The following MLIP variants were observed in gnomAD, a reference collection of about 807,000 sequenced individuals.
MLIP encodes muscular LMNA-interacting protein.
MLIP carries 79 observed loss-of-function variants against 84.8 expected under a neutral mutation model. The ratio of observed to expected loss-of-function variants is 0.93; its 90% CI spans 0.78 to 1.12. MLIP has a LOEUF of 1.12. Among genes scored for constraint, MLIP ranks in the 50% most tolerant of loss-of-function variants. The probability of loss-of-function intolerance (pLI) is 0.00; values close to 1 mark genes in which losing one functional copy is unlikely to be tolerated. For synonymous variants in MLIP, 504 were observed against 463.0 expected (o/e 1.09, Z -1.14); for missense variants, 1,257 against 1,160.6 (o/e 1.08, Z -1.21).
At chr6:54,206,227 A>G (rs1271404015) in intron 11 of MLIP, among the ~76,000 whole-genome samples, 1 of 152,126 alleles carries the variant, frequency 6.6e-6, no homozygotes, top group African/African-American at 2.4e-5. Context: ...TTTAATATAA[A>G]AGGGCAATAA....
intron 9 of MLIP, among the ~76,000 whole-genome samples, chr6:54,184,291 A>C (rs917072955): frequency 2.0e-5 from 3 of 152,228 alleles, no homozygotes; most frequent in Non-Finnish European, 4.4e-5. Flanking sequence ...TGGAAGGGAC[A>C]TGACTACTGA....
chr6:54,050,612 C>T (rs1765320690), intron 1 of MLIP, among the ~76,000 whole-genome samples: 1 of 151,996 alleles, frequency 6.6e-6, no homozygotes, highest in African/African-American at 2.4e-5. Context: ...TTCCATTTTT[C>T]CTAATATAAT....
chr6:54,157,075 AAAGAACTG>A (rs1269024552), intron 5 of MLIP, among the ~76,000 whole-genome samples: 2 of 152,104 alleles, frequency 1.3e-5, no homozygotes, highest in Non-Finnish European at 2.9e-5. Context: ...CCAAAAGTTC[AAAGAACTG>A]AAGCAGTTCT....
At chr6:54,222,619 C>T (rs959520525) in intron 11 of MLIP, among the ~76,000 whole-genome samples, 2 of 152,202 alleles carry the variant, frequency 1.3e-5, no homozygotes, top group Non-Finnish European at 2.9e-5. Flanking sequence ...CCTTTATCCA[C>T]TTACCTGTCA....
intron 9 of MLIP, among the ~76,000 whole-genome samples, chr6:54,184,213 G>A (rs1485923387): frequency 1.3e-5 from 2 of 152,114 alleles, no homozygotes; most frequent in Non-Finnish European, 2.9e-5. Context: ...ATTCAGGACA[G>A]TTAGAGTCAA....
chr6:54,148,646 G>T (rs1424105376), intron 4 of MLIP, among the ~76,000 whole-genome samples: 1 of 152,028 alleles, frequency 6.6e-6, no homozygotes, highest in Non-Finnish European at 1.5e-5. Context: ...ACACTTATTG[G>T]CATAATATTT....
chr6:54,249,903 A>T (rs776952531), intron 12 of MLIP, among the ~76,000 whole-genome samples: 1 of 152,028 alleles, frequency 6.6e-6, no homozygotes, highest in Non-Finnish European at 1.5e-5. Flanking sequence ...GCCAGGTATT[A>T]AGCCTAGTAT....
intron 12 of MLIP, among the ~76,000 whole-genome samples, chr6:54,231,379 A>T: frequency 6.6e-6 from 1 of 152,192 alleles, no homozygotes; most frequent in Non-Finnish European, 1.5e-5. Context: ...TTCACATTTT[A>T]CTTTAAAATG....
intron 13 of MLIP, among the ~76,000 whole-genome samples, chr6:54,264,570 A>G (rs1028554308): frequency 1.3e-5 from 2 of 152,132 alleles, no homozygotes; most frequent in African/African-American, 4.8e-5. Context: ...AGCATATAAA[A>G]TACATGGCAC....
intron 13 of MLIP, among the ~76,000 whole-genome samples, chr6:54,264,264 T>C (rs1296865738): frequency 1.3e-5 from 2 of 152,194 alleles, no homozygotes; most frequent in Admixed American, 6.6e-5. Flanking sequence ...TTTTATTTAA[T>C]GTTATAATCC....
intron 1 of MLIP, among the ~76,000 whole-genome samples, chr6:54,025,834 T>C (rs1318619071): frequency 6.6e-6 from 1 of 152,178 alleles, no homozygotes; most frequent in Non-Finnish European, 1.5e-5. Context: ...GCAGCTGCCC[T>C]CCCTAAGGTA....
At chr6:54,212,792 A>G (rs1539440) in intron 11 of MLIP, among the ~76,000 whole-genome samples, 3,197 of 152,332 alleles carry the variant, frequency 0.021, 51 homozygotes, top group Non-Finnish European at 0.029. Flanking sequence ...AAAATTAAAT[A>G]TGTCTGTGTA....
chr6:54,160,275 A>G, intron 5 of MLIP, 92 bp from the exon 6 acceptor site: 1 of 953,678 alleles, frequency 1.0e-6, no homozygotes, highest in Non-Finnish European at 1.6e-6. Context: ...TTCTTGGAAT[A>G]TTAATACATA....
Position 54,066,156 on chromosome 6 carries a change from T to TA in MLIP, c.63+47072dup, listed in dbSNP as rs1229885071. ...ACTGCTGTTATAAATGTCTGTTCAT[T>TA]AAAAAAATCTCAAATTATTTACTTA... On this transcript the variant is annotated intron_variant, in intron 1 of 12. Coordinates refer to the MLIP transcript ENST00000274897. 1.3e-4 allele frequency among the ~76,000 whole-genome samples: 13 copies of TA among 99,418 alleles called. 6 individuals are homozygous for TA. Among genetic ancestry groups the TA allele is most frequent in the Non-Finnish European group, 1.2e-4 (4 of 34,716 alleles). The allele number at this position is 99,418 out of a possible 152,430, so 65.2% of individuals were successfully genotyped here. A position where few individuals can be genotyped will look rare whatever the true frequency, so the allele number is the denominator to read the frequency against.
chr6:54,031,841 C>T (rs1419794903), intron 1 of MLIP: 1 of 152,188 alleles, frequency 6.6e-6, no homozygotes, highest in African/African-American at 2.4e-5. Context: ...TCCATGAAAT[C>T]TTTGTGTGAT....
chr6:54,089,980 C>A (rs1305993725), intron 1 of MLIP, among the ~76,000 whole-genome samples: 1 of 152,124 alleles, frequency 6.6e-6, no homozygotes, highest in Non-Finnish European at 1.5e-5. Context: ...TCTTTTCTGA[C>A]AATACCTCTC....
chr6:54,252,121 T>TTATAACATATAATATATAACTATAA (rs1562109880), intron 12 of MLIP, among the ~76,000 whole-genome samples: 12 of 97,840 alleles, frequency 1.2e-4, no homozygotes, highest in Admixed American at 4.8e-4. Flanking sequence ...TATAACTATA[T>TTATAACATATAATATATAACTATAA]TATAACATAT....
At position 54,160,594 on chromosome 6, in the gene MLIP, T is replaced by C; in HGVS notation, c.2434T>C (p.Ser812Pro). The C allele has an allele frequency of 6.2e-7, 1 of 1,609,414 alleles. No individual in the cohort carries two copies. The highest frequency in any genetic ancestry group is 1.7e-4 in the Middle Eastern group (1 of 6,034). ...TGATAAGGTCTTACAGGATTCCTTG[T>C]CTATGGTAATGCTTTAGACTAGAAT... Reference protein sequence around the residue: ...TIDKVLQDSLSMHSSDSPSRS... With the variant: ...TIDKVLQDSLPMHSSDSPSRS... Residue 812 changes from serine (S) to proline (P), a missense_variant, in exon 7 of 14, where the codon TCT (serine) becomes CCT (proline). By Grantham distance (74) the Ser-to-Pro change is moderately conservative (BLOSUM62 -1). Coordinates refer to ENST00000502396, the MANE Select transcript of MLIP (RefSeq NM_001281747.2).
chr6:54,253,310 A>G (rs1261582173), intron 12 of MLIP, among the ~76,000 whole-genome samples: 1 of 152,170 alleles, frequency 6.6e-6, no homozygotes, highest in Non-Finnish European at 1.5e-5. Context: ...CAGAAGGTAC[A>G]GATGACTGAA....
Sources: gnomAD v4.1 joint callset for allele counts (sites outside exome capture counted in the v4.1 genomes callset) on GRCh38, gnomAD v4.1.1 for gene constraint, MANE v1.5 for transcripts, NCBI Gene and HGNC (gene_info 2026-07-23, HGNC 2026-07-21) for gene names.